MEGF10: variants seen among roughly 807,000 people sequenced by gnomAD.
MEGF10 encodes multiple epidermal growth factor-like domains protein 10.
MEGF10 carries 86 observed loss-of-function variants against 147.5 expected under a neutral mutation model. The observed-to-expected ratio is 0.58, with a 90% CI of 0.49 to 0.70. The LOEUF (loss-of-function observed/expected upper bound fraction) is 0.70. Among genes scored for constraint, MEGF10 ranks in the 30% least tolerant of loss-of-function variants. The pLI is 0.00. For missense variants in MEGF10, 1,329 were observed against 1,487.3 expected (o/e 0.89, Z 1.75); for synonymous variants, 478 against 525.5 (o/e 0.91, Z 1.24).
At chr5:127,276,789 ATAAG>A in the MEGF10 span, among the ~76,000 whole-genome samples, 3 of 152,210 alleles carry the variant, frequency 2.0e-5, no homozygotes, top group Admixed American at 1.3e-4. Context: ...AACATAATGA[ATAAG>A]TAAATTATAT....
chr5:127,338,118 C>G (rs927782836), intron 2 of MEGF10, among the ~76,000 whole-genome samples: 2 of 152,088 alleles, frequency 1.3e-5, no homozygotes, highest in African/African-American at 4.8e-5. Context: ...AACCTGAATT[C>G]TTCATGCTGG....
intron 13 of MEGF10, chr5:127,424,628 G>A (rs1765149869): frequency 1.7e-6 from 2 of 1,204,386 alleles, no homozygotes; most frequent in Non-Finnish European, 2.1e-6. Context: ...TAGTGTCTGA[G>A]AGCTACCTTG....
Position 127,396,467 on chromosome 5 carries a change from G to C in MEGF10, c.413-65G>C. ...GAGAGGTCACCAAGCCATTCTCCCCGAGAGGCGAAGAAATCTGGTTCTCCC... is the reference window on the plus strand; with the variant it reads ...GAGAGGTCACCAAGCCATTCTCCCCCAGAGGCGAAGAAATCTGGTTCTCCC... On this transcript the variant is annotated intron_variant, in intron 5 of 24. Coordinates refer to ENST00000503335, the MANE Select transcript of MEGF10 (RefSeq NM_001256545.2). 15 of 1,476,990 alleles carry C rather than the reference G, an allele frequency of 1.0e-5. No homozygotes were observed. The South Asian group carries it at 2.0e-4, about 20-fold the overall frequency. 91.5% of individuals were successfully genotyped at this position (1,476,990 alleles called of 1,614,324 possible). A position where few individuals can be genotyped will look rare whatever the true frequency, so the allele number is the denominator to read the frequency against.
intron 13 of MEGF10, among the ~76,000 whole-genome samples, chr5:127,429,562 A>G (rs1278716326): frequency 6.6e-6 from 1 of 152,170 alleles, no homozygotes; most frequent in Non-Finnish European, 1.5e-5. Context: ...GTGAGCAAAA[A>G]CAGGCATTGT....
chr5:127,239,470 AT>A, the MEGF10 span, among the ~76,000 whole-genome samples: 1 of 144,182 alleles, frequency 6.9e-6, no homozygotes, highest in Non-Finnish European at 1.5e-5. Flanking sequence ...AAATATATAT[AT>A]ATATAATATA....
the MEGF10 span, among the ~76,000 whole-genome samples, chr5:127,262,868 A>G: frequency 6.6e-6 from 1 of 152,164 alleles, no homozygotes; most frequent in Non-Finnish European, 1.5e-5. Context: ...TTTGGTAGAG[A>G]TGAGGAAAAT....
At chr5:127,376,160 G>A (rs1449499647) in intron 5 of MEGF10, among the ~76,000 whole-genome samples, 1 of 152,154 alleles carries the variant, frequency 6.6e-6, no homozygotes, top group Non-Finnish European at 1.5e-5. Flanking sequence ...GATTGCAATA[G>A]ACTACTCTTC....
chr5:127,309,953 C>CTT (rs1760194991), intron 1 of MEGF10, among the ~76,000 whole-genome samples: 1 of 54,370 alleles, frequency 1.8e-5, no homozygotes, highest in Non-Finnish European at 4.1e-5. Flanking sequence ...CCAACTCTTT[C>CTT]TTTCTTTCTT....
chr5:127,382,473 T>C (rs947658101), intron 5 of MEGF10, among the ~76,000 whole-genome samples: 2 of 152,208 alleles, frequency 1.3e-5, no homozygotes, highest in African/African-American at 4.8e-5. Flanking sequence ...GATGTTAGTA[T>C]ATAATTGGAA....
At chr5:127,399,372 A>G (rs886418004) in intron 7 of MEGF10, among the ~76,000 whole-genome samples, 32 of 152,230 alleles carry the variant, frequency 2.1e-4, no homozygotes, top group African/African-American at 7.5e-4. Flanking sequence ...GCAATTTCAC[A>G]TGCTTAGAGT....
intron 16 of MEGF10, among the ~76,000 whole-genome samples, 183 bp from the exon 17 acceptor site, chr5:127,438,256 C>T (rs934725567): frequency 3.9e-5 from 6 of 152,160 alleles, no homozygotes; most frequent in East Asian, 1.9e-4. Flanking sequence ...TAATGACAGT[C>T]GTTGTTGAAG....
At chr5:127,409,517 G>A (rs3863175) in intron 8 of MEGF10, 3,906 of 152,342 alleles carry the variant, frequency 0.026, 51 homozygotes, top group East Asian at 0.049. Flanking sequence ...AGCAATGAGC[G>A]ATCATTTTCT....
At chr5:127,380,067 G>GTTTTTTTTTT (rs5871252) in intron 5 of MEGF10, among the ~76,000 whole-genome samples, 9 of 147,498 alleles carry the variant, frequency 6.1e-5, no homozygotes, top group Non-Finnish European at 6.0e-5. Flanking sequence ...TTGTTAACTT[G>GTTTTTTTTTT]TTTTTTTTTT....
chr5:127,347,652 T>G (rs1005332342), intron 4 of MEGF10, among the ~76,000 whole-genome samples: 1 of 152,082 alleles, frequency 6.6e-6, no homozygotes, highest in African/African-American at 2.4e-5. Flanking sequence ...AATATGGACA[T>G]CCTAAGTGGA....
At chr5:127,435,758 G>A (rs201858807) in intron 16 of MEGF10, among the ~76,000 whole-genome samples, 8 of 151,446 alleles carry the variant, frequency 5.3e-5, no homozygotes, top group Non-Finnish European at 8.8e-5. Context: ...GTGATTCATC[G>A]TCCATTGAAA....
rs114481211 is a variant in MEGF10, at chr5:127,378,607, C to G, written c.412+8605C>G. Among the ~76,000 whole-genome samples the G allele has an allele frequency of 8.0e-3, 1,219 of 152,296 alleles. 18 individuals are homozygous for G. Among genetic ancestry groups the G allele is most frequent in the African/African-American group, 0.027 (1,114 of 41,544 alleles). Reference sequence around the variant, plus strand: ...AGCTGGGACAACAGGCACACACCACCAAACCCAGCTAATTTTTTTATTTTT... The same window carrying G: ...AGCTGGGACAACAGGCACACACCACGAAACCCAGCTAATTTTTTTATTTTT... On this transcript the variant is annotated intron_variant, in intron 5 of 24. Transcript: ENST00000503335.
At chr5:127,383,405 C>T (rs1343124483) in intron 5 of MEGF10, among the ~76,000 whole-genome samples, 2 of 151,998 alleles carry the variant, frequency 1.3e-5, no homozygotes. Context: ...GAGTTCAAGG[C>T]TGCAGTGAGC....
At chr5:127,262,781 T>C in the MEGF10 span, among the ~76,000 whole-genome samples, 7,624 of 152,282 alleles carry the variant, frequency 0.05, 318 homozygotes, top group African/African-American at 0.11. Flanking sequence ...TTCTGCCTTC[T>C]ACACTTTTGT....
rs767842462 is a variant in MEGF10, at chr5:127,402,531, T to C, written c.781-15T>C. On this transcript the variant is annotated splice_polypyrimidine_tract_variant and intron_variant, in intron 7 of 24. Transcript: ENST00000503335. ...CTGGAGGCCCATCTAATTTTCCAAGTCTCTTTGAATGCAGGGCACAGTGTG... is the reference window on the plus strand; with the variant it reads ...CTGGAGGCCCATCTAATTTTCCAAGCCTCTTTGAATGCAGGGCACAGTGTG... 112 of 1,608,062 alleles carry C rather than the reference T, an allele frequency of 7.0e-5. No individual in the cohort carries two copies. The Middle Eastern group carries it at 4.2e-3, about 60-fold the overall frequency.
Sources: gnomAD v4.1 joint callset for allele counts (sites outside exome capture counted in the v4.1 genomes callset) on GRCh38, gnomAD v4.1.1 for gene constraint, MANE v1.5 for transcripts, NCBI Gene and HGNC (gene_info 2026-07-23, HGNC 2026-07-21) for gene names.